Variants in NRXN1 observed in about 807,000 individuals in gnomAD.
The protein encoded by NRXN1 is neurexin 1, also known as neurexin-1.
NRXN1 carries 39 observed loss-of-function variants against 150.9 expected under a neutral mutation model. That is an observed-to-expected ratio of 0.26 (90% CI 0.20 to 0.34). The LOEUF (loss-of-function observed/expected upper bound fraction) is 0.34, where lower values mean the gene tolerates loss of function less well. Among genes scored for constraint, NRXN1 ranks in the 10% least tolerant of loss-of-function variants. NRXN1 has a pLI of 1.00. For synonymous variants in NRXN1, 924 were observed against 757.0 expected, an observed-to-expected ratio of 1.22 and a Z score of -3.62; for missense variants, 1,815 against 1,949.9, an observed-to-expected ratio of 0.93 and a Z score of 1.30.
chr2:50,156,902 T>C (rs1422089914), intron 18 of NRXN1, among the ~76,000 whole-genome samples: 1 of 152,016 alleles, frequency 6.6e-6, no homozygotes, highest in Non-Finnish European at 1.5e-5. Flanking sequence ...GTCCTTTTGG[T>C]TGTCTCTTAT....
At chr2:49,987,327 T>C (rs1388854393) in intron 21 of NRXN1, among the ~76,000 whole-genome samples, 1 of 152,156 alleles carries the variant, frequency 6.6e-6, no homozygotes, top group South Asian at 2.1e-4. Context: ...CTTACAACAC[T>C]CCTTTCCCCT....
At chr2:50,605,968 A>C (rs923611960) in intron 8 of NRXN1, among the ~76,000 whole-genome samples, 1 of 152,070 alleles carries the variant, frequency 6.6e-6, no homozygotes, top group African/African-American at 2.4e-5. Flanking sequence ...TCCGCCTTAA[A>C]AAAGAGAATC....
intron 15 of NRXN1, among the ~76,000 whole-genome samples, chr2:50,476,272 A>T (rs2089978481): frequency 1.3e-5 from 2 of 152,100 alleles, no homozygotes; most frequent in South Asian, 4.1e-4. Context: ...CTGTGAATGA[A>T]CTGGGGTGAT....
chr2:50,246,293 A>C (rs186736543), intron 17 of NRXN1, among the ~76,000 whole-genome samples: 1 of 152,056 alleles, frequency 6.6e-6, no homozygotes, highest in Non-Finnish European at 1.5e-5. Flanking sequence ...TATACCAGAA[A>C]GGCTTTATGA....
At chr2:50,130,017 A>T (rs1705235215) in intron 18 of NRXN1, among the ~76,000 whole-genome samples, 1 of 152,198 alleles carries the variant, frequency 6.6e-6, no homozygotes, top group African/African-American at 2.4e-5. Flanking sequence ...AGCACATGTT[A>T]TCTCATTTTT....
chr2:50,066,935 G>A (rs1443221395), intron 19 of NRXN1, among the ~76,000 whole-genome samples: 1 of 152,084 alleles, frequency 6.6e-6, no homozygotes, highest in African/African-American at 2.4e-5. Context: ...AATTAAATGC[G>A]ATATATTAAT....
intron 17 of NRXN1, among the ~76,000 whole-genome samples, chr2:50,355,532 T>C (rs1159706427): frequency 6.6e-6 from 1 of 152,104 alleles, no homozygotes; most frequent in East Asian, 1.9e-4. Context: ...TTTCTCACTC[T>C]TCCATAAAAC....
At chr2:50,076,816 A>G (rs1697179368) in intron 19 of NRXN1, among the ~76,000 whole-genome samples, 4 of 152,198 alleles carry the variant, frequency 2.6e-5, no homozygotes, top group Admixed American at 2.6e-4. Flanking sequence ...AATGCTTCTA[A>G]TCACAAAGGA....
Position 50,351,898 on chromosome 2 carries a change from C to A in NRXN1, c.3364+113544G>T, listed in dbSNP as rs528981876. On this transcript the variant is annotated intron_variant, in intron 17 of 22. Transcript: ENST00000401669. ...AAAGAATGAAGAGCTGGAACTTCAC[C>A]AAGCTTCTAGAATAGGCTACAAAAT... Among the ~76,000 whole-genome samples the A allele has an allele frequency of 6.6e-5, 10 of 152,180 alleles. No homozygotes were observed. In the South Asian group the frequency reaches 1.2e-3, roughly 19 times the overall value.
intron 2 of NRXN1, among the ~76,000 whole-genome samples, chr2:50,996,367 G>T (rs188200579): frequency 6.6e-6 from 1 of 152,040 alleles, no homozygotes; most frequent in East Asian, 1.9e-4. Flanking sequence ...AAGAAATGAT[G>T]GGTTTACCTT....
At chr2:50,757,180 C>T (rs1402020120) in intron 5 of NRXN1, among the ~76,000 whole-genome samples, 3 of 151,728 alleles carry the variant, frequency 2.0e-5, no homozygotes, top group Non-Finnish European at 4.4e-5. Context: ...CTACAGAATT[C>T]CACGGAAATT....
At chr2:50,468,322 A>T (rs2089126053) in intron 16 of NRXN1, among the ~76,000 whole-genome samples, 1 of 151,630 alleles carries the variant, frequency 6.6e-6, no homozygotes, top group Non-Finnish European at 1.5e-5. Context: ...GCTTCTATGT[A>T]AGCATACAGA....
chr2:50,655,670 G>A (rs188240643), intron 5 of NRXN1, among the ~76,000 whole-genome samples: 5 of 151,196 alleles, frequency 3.3e-5, no homozygotes, highest in South Asian at 2.1e-4. Flanking sequence ...TTTCTTTTGG[G>A]GGGGGAGGGA....
rs2077944425 is a variant in NRXN1 at position 50,346,116 on chromosome 2, G to C, written c.3365-109146C>G. Among the ~76,000 whole-genome samples, 1 of 152,286 alleles carries C rather than the reference G, an allele frequency of 6.6e-6. No individual in the cohort carries two copies. The highest frequency in any genetic ancestry group is 2.1e-4 in the South Asian group (1 of 4,826). ...GCCCTCCTAGCTTTTCTAATTAAGG[G>C]AAGGCGTGGGGGCAAAAGTAATTGG... On this transcript the variant is annotated intron_variant, in intron 17 of 22. Coordinates refer to ENST00000401669, the MANE Select transcript of NRXN1 (RefSeq NM_001330078.2). The surrounding 1 kb of genome is among the most constrained non-coding windows in gnomAD (Gnocchi z 5.0).
At chr2:50,128,662 G>T (rs1704972748) in intron 18 of NRXN1, among the ~76,000 whole-genome samples, 1 of 152,006 alleles carries the variant, frequency 6.6e-6, no homozygotes, top group Admixed American at 6.6e-5. Flanking sequence ...TTAAATATAA[G>T]TCTTAATAAG....
chr2:50,143,767 C>T (rs145246423), intron 18 of NRXN1, among the ~76,000 whole-genome samples: 174 of 151,982 alleles, frequency 1.1e-3, no homozygotes, highest in African/African-American at 4.0e-3. Context: ...CATCTACACT[C>T]ATTAGGTTGA....
chr2:50,727,457 C>CATACAT (rs58348198), intron 5 of NRXN1, among the ~76,000 whole-genome samples: 3 of 151,730 alleles, frequency 2.0e-5, no homozygotes, highest in African/African-American at 7.3e-5. Context: ...CACACACACA[C>CATACAT]ACCTACACAT....
chr2:51,025,496 C>G lies in NRXN1; in HGVS notation c.772+2006G>C, dbSNP rs571248432. Among the ~76,000 whole-genome samples the G allele has an allele frequency of 2.8e-3, 424 of 152,258 alleles. 2 individuals carry two copies. Among genetic ancestry groups the G allele is most frequent in the Non-Finnish European group, 4.2e-3 (283 of 68,004 alleles). On this transcript the variant is annotated intron_variant, in intron 2 of 22. Transcript: ENST00000401669. Reference sequence around the variant, plus strand: ...AATAAAAATTTTCATTTAAAACACCCTCCCACACAGTACAAGCTGTCATTG... The same window carrying G: ...AATAAAAATTTTCATTTAAAACACCGTCCCACACAGTACAAGCTGTCATTG...
intron 5 of NRXN1, among the ~76,000 whole-genome samples, chr2:50,718,903 A>G (rs1696233507): frequency 6.6e-6 from 1 of 152,014 alleles, no homozygotes; most frequent in South Asian, 2.1e-4. Flanking sequence ...AGCTGATTAG[A>G]TAAAACAGAC....
Sources: gnomAD v4.1 joint callset for allele counts (sites outside exome capture counted in the v4.1 genomes callset) on GRCh38, gnomAD v4.1.1 for gene constraint, Gnocchi (gnomAD v3.1) non-coding constraint, MANE v1.5 for transcripts, NCBI Gene and HGNC (gene_info 2026-07-23, HGNC 2026-07-21) for gene names.